Variants in CNTNAP5 observed in about 807,000 individuals in gnomAD.
CNTNAP5 encodes the protein contactin-associated protein-like 5.
CNTNAP5 carries 72 observed loss-of-function variants against 150.2 expected under a neutral mutation model. The observed-to-expected ratio is 0.48, with a 90% CI of 0.40 to 0.58. The LOEUF (loss-of-function observed/expected upper bound fraction) is 0.58, where lower values mean the gene tolerates loss of function less well. Ranked by LOEUF, CNTNAP5 falls within the 20% of genes least tolerant of loss-of-function variation. The pLI is 0.00. For synonymous variants in CNTNAP5, 672 were observed against 619.8 expected, an observed-to-expected ratio of 1.08 and a Z score of -1.25; for missense variants, 1,636 against 1,626.2, an observed-to-expected ratio of 1.01 and a Z score of -0.10.
chr2:124,743,827 T>C (rs1189498736), intron 13 of CNTNAP5, among the ~76,000 whole-genome samples: 3 of 152,160 alleles, frequency 2.0e-5, no homozygotes, highest in Non-Finnish European at 4.4e-5. Context: ...ATTTGCAACA[T>C]TTTGCAAAGT....
chr2:124,323,543 C>T (rs980194279), intron 3 of CNTNAP5, among the ~76,000 whole-genome samples: 4 of 152,086 alleles, frequency 2.6e-5, no homozygotes, highest in Non-Finnish European at 5.9e-5. Context: ...CCTGTGGACC[C>T]GACTCTGGGA....
intron 7 of CNTNAP5, among the ~76,000 whole-genome samples, chr2:124,483,102 C>A (rs73952986): frequency 6.6e-6 from 1 of 152,180 alleles, no homozygotes; most frequent in Non-Finnish European, 1.5e-5. Flanking sequence ...TCCTTTACCT[C>A]TTCCCTGACC....
intron 3 of CNTNAP5, among the ~76,000 whole-genome samples, chr2:124,296,283 C>T (rs1688430139): frequency 1.3e-5 from 2 of 152,160 alleles, no homozygotes. Flanking sequence ...GGCCATTCAC[C>T]ATCTTGTAGC....
At chr2:124,301,486 T>G (rs2104646440) in intron 3 of CNTNAP5, among the ~76,000 whole-genome samples, 1 of 152,338 alleles carries the variant, frequency 6.6e-6, no homozygotes, top group South Asian at 2.1e-4. Context: ...ATTGATGCTG[T>G]TTTGGAAAAT....
At chr2:124,310,357 T>G (rs937318425) in intron 3 of CNTNAP5, among the ~76,000 whole-genome samples, 1 of 152,016 alleles carries the variant, frequency 6.6e-6, no homozygotes, top group Non-Finnish European at 1.5e-5. Flanking sequence ...AAAGAAAAGA[T>G]TTGAATGAGT....
chr2:124,304,023 C>G (rs1486505872), intron 3 of CNTNAP5, among the ~76,000 whole-genome samples: 2 of 151,718 alleles, frequency 1.3e-5, no homozygotes, highest in Non-Finnish European at 2.9e-5. Flanking sequence ...AGAGTGAGAC[C>G]CTGTCTCAAA....
At chr2:124,273,243 G>C (rs1223931758) in intron 3 of CNTNAP5, among the ~76,000 whole-genome samples, 1 of 152,152 alleles carries the variant, frequency 6.6e-6, no homozygotes, top group Admixed American at 6.5e-5. Context: ...AGGTTATTTT[G>C]AGTTCAAAAG....
intron 20 of CNTNAP5, among the ~76,000 whole-genome samples, chr2:124,865,895 A>G (rs1677621324): frequency 6.6e-6 from 1 of 151,588 alleles, no homozygotes. Context: ...AGTGAGCAGA[A>G]ATCACGCCAT....
At chr2:124,721,239 G>C (rs958546305) in intron 13 of CNTNAP5, among the ~76,000 whole-genome samples, 1 of 152,120 alleles carries the variant, frequency 6.6e-6, no homozygotes, top group Non-Finnish European at 1.5e-5. Context: ...TACAGTTTGG[G>C]AGGCCGAGGC....
In CNTNAP5 at chr2:124,276,622, A is replaced by G. The variant is rs111638716; in HGVS notation, c.381+34229A>G. On this transcript the variant is annotated intron_variant, in intron 3 of 23. Coordinates refer to ENST00000682447, the MANE Select transcript of CNTNAP5 (RefSeq NM_001367498.1). ...AGAGTCTAGATGAAAATGACTTCCC[A>G]AGTCTAAAGCTGATATTAGCTAAAC... Among the ~76,000 whole-genome samples, 718 of 152,268 alleles carry G rather than the reference A, an allele frequency of 4.7e-3. 10 individuals are homozygous for G. Among genetic ancestry groups the G allele is most frequent in the African/African-American group, 0.016 (685 of 41,560 alleles).
chr2:124,162,085 T>C (rs1684693262), intron 1 of CNTNAP5, among the ~76,000 whole-genome samples: 1 of 152,136 alleles, frequency 6.6e-6, no homozygotes. Context: ...CCTGAAAGCC[T>C]TGGGCAAGCT....
intron 1 of CNTNAP5, among the ~76,000 whole-genome samples, chr2:124,108,508 G>A (rs184042316): frequency 2.0e-5 from 3 of 152,130 alleles, no homozygotes; most frequent in Admixed American, 6.6e-5. Flanking sequence ...TCTCTGTCTC[G>A]TTAATATTTG....
At chr2:124,845,695 C>A (rs1426378500) in intron 19 of CNTNAP5, among the ~76,000 whole-genome samples, 7 of 151,892 alleles carry the variant, frequency 4.6e-5, no homozygotes, top group Non-Finnish European at 7.4e-5. Context: ...AGATTTTATA[C>A]CTTTCTCATT....
At position 124,265,024 on chromosome 2, in the gene CNTNAP5, C is replaced by T. The variant is rs115670360; in HGVS notation, c.381+22631C>T. 9.0e-3 allele frequency among the ~76,000 whole-genome samples: 1,369 copies of T among 152,350 alleles called. 22 individuals are homozygous for T. The highest frequency in any genetic ancestry group is 0.031 in the African/African-American group (1,280 of 41,580). ...TAAGAGATGACAGAGTGGCTGTTCT[C>T]ACCCATAAATGGTGTTGCTAGAGGA... On this transcript the variant is annotated intron_variant, in intron 3 of 23. Transcript: ENST00000682447.
intron 1 of CNTNAP5, among the ~76,000 whole-genome samples, chr2:124,169,088 CT>C (rs559140120): frequency 7.3e-5 from 11 of 149,808 alleles, no homozygotes; most frequent in Admixed American, 1.3e-4. Flanking sequence ...GATGCTGCTT[CT>C]TTTTTTTTTG....
intron 17 of CNTNAP5, among the ~76,000 whole-genome samples, chr2:124,783,178 C>G (rs549241067): frequency 2.6e-5 from 4 of 152,240 alleles, no homozygotes; most frequent in African/African-American, 9.6e-5. Context: ...TTGCTAGTTA[C>G]TTTGGTGTGT....
intron 3 of CNTNAP5, among the ~76,000 whole-genome samples, chr2:124,351,224 C>T (rs1689868899): frequency 6.6e-6 from 1 of 152,208 alleles, no homozygotes; most frequent in African/African-American, 2.4e-5. Flanking sequence ...TTCTTTAACA[C>T]TTTGCAGACC....
intron 8 of CNTNAP5, among the ~76,000 whole-genome samples, chr2:124,518,224 G>T (rs1025676127): frequency 1.3e-5 from 2 of 152,110 alleles, no homozygotes; most frequent in African/African-American, 4.8e-5. Context: ...GAGCTATAAA[G>T]GGCTGTGGAG....
intron 3 of CNTNAP5, among the ~76,000 whole-genome samples, chr2:124,404,176 G>A (rs1691506729): frequency 6.6e-6 from 1 of 152,224 alleles, no homozygotes; most frequent in Non-Finnish European, 1.5e-5. Flanking sequence ...GTGTTTGGCA[G>A]AGCACCAGAC....
Sources: allele counts gnomAD v4.1 joint callset (sites outside exome capture counted in the v4.1 genomes callset), GRCh38; gene constraint gnomAD v4.1.1; transcripts MANE v1.5; gene names NCBI Gene and HGNC (gene_info 2026-07-23, HGNC 2026-07-21).